CSTF3: variants seen among roughly 807,000 people sequenced by gnomAD.
CSTF3 encodes CF-1 77 kDa subunit.
CSTF3 carries 29 observed loss-of-function variants against 105.8 expected under a neutral mutation model. The observed-to-expected ratio is 0.27, with a 90% CI of 0.20 to 0.37. The LOEUF (loss-of-function observed/expected upper bound fraction) is 0.37. Among genes scored for constraint, CSTF3 ranks in the 10% least tolerant of loss-of-function variants. The pLI is 1.00. For synonymous variants in CSTF3, 252 were observed against 281.9 expected (o/e 0.89, Z 1.06); for missense variants, 357 against 879.3 (o/e 0.41, Z 7.51).
chr11:33,097,930 C>A (rs536624618), intron 13 of CSTF3, among the ~76,000 whole-genome samples: 4 of 152,116 alleles, frequency 2.6e-5, no homozygotes, highest in Non-Finnish European at 5.9e-5. Context: ...CTATGAGTTC[C>A]TCAAGAAAAG....
intron 1 of CSTF3, among the ~76,000 whole-genome samples, chr11:33,142,987 G>C (rs960536998): frequency 6.6e-6 from 1 of 152,268 alleles, no homozygotes; most frequent in Non-Finnish European, 1.5e-5. Flanking sequence ...CAGATCCTCT[G>C]AAAGTCCTTA....
chr11:33,085,278 C>T lies in CSTF3; in HGVS notation c.1963G>A (p.Ala655Thr). 1 of 1,544,864 alleles carries T rather than the reference C, an allele frequency of 6.5e-7. No individual in the cohort carries two copies. The highest frequency in any genetic ancestry group is 8.7e-7 in the Non-Finnish European group (1 of 1,149,426). Residue 655 changes from alanine to threonine, a missense_variant, in exon 21 of 21, where the codon GCT becomes ACT. Transcript: ENST00000323959. ...GCCCCACCAGTAATGATCCTCACAG[C>T]TTCCTCAACAGCTATTAAAACAAAA... ...RCKIPNTVEE[A>T]VRIITGGAPE...
chr11:33,093,471 C>G (rs1221407189), intron 15 of CSTF3, among the ~76,000 whole-genome samples: 3 of 152,042 alleles, frequency 2.0e-5, no homozygotes, highest in Non-Finnish European at 1.5e-5. Flanking sequence ...TCTATGACAC[C>G]CTCTAGAACA....
chr11:33,126,335 C>G (rs1431495234), intron 3 of CSTF3, among the ~76,000 whole-genome samples: 1 of 151,956 alleles, frequency 6.6e-6, no homozygotes, highest in African/African-American at 2.4e-5. Context: ...CTTGGCTACT[C>G]AGGAGGCTGA....
At chr11:33,120,039 C>T (rs748848167) in intron 3 of CSTF3, among the ~76,000 whole-genome samples, 8 of 151,710 alleles carry the variant, frequency 5.3e-5, no homozygotes, top group African/African-American at 1.7e-4. Flanking sequence ...GCAACAGCAA[C>T]CTTTGATAGT....
Position 33,161,227 on chromosome 11 carries a change from A to C in CSTF3, c.27+72T>G, listed in dbSNP as rs565039278. ...GACCCAATTCCTTCCTCAGCCGAAC[A>C]TGTCTGGAGCAGTCGGAGGAACAGA... On this transcript the variant is annotated intron_variant, in intron 1 of 20. Transcript: ENST00000323959. The C allele has an allele frequency of 7.0e-6, 11 of 1,565,102 alleles. No homozygotes were observed. The African/African-American group carries it at 1.2e-4, about 17-fold the overall frequency.
chr11:33,101,083 A>C (rs113531149), intron 10 of CSTF3, among the ~76,000 whole-genome samples: 2 of 152,240 alleles, frequency 1.3e-5, no homozygotes, highest in African/African-American at 4.8e-5. Flanking sequence ...ACTAGGTGAG[A>C]TCCATATTTA....
intron 15 of CSTF3, among the ~76,000 whole-genome samples, chr11:33,094,711 T>A (rs1855200915): frequency 6.6e-6 from 1 of 152,128 alleles, no homozygotes; most frequent in African/African-American, 2.4e-5. Context: ...AAATACAAAA[T>A]CATATTTAAG....
chr11:33,086,118 G>C, intron 18 of CSTF3, 129 bp from the exon 19 acceptor site: 1 of 578,816 alleles, frequency 1.7e-6, no homozygotes, highest in South Asian at 6.1e-5. Flanking sequence ...AATACTTCTA[G>C]GGCTTTACCA....
At chr11:33,091,545 C>T (rs376958077) in intron 16 of CSTF3, among the ~76,000 whole-genome samples, 3 of 152,148 alleles carry the variant, frequency 2.0e-5, no homozygotes, top group East Asian at 3.8e-4. Flanking sequence ...TGTTGTTCCT[C>T]TGTATGGTAA....
chr11:33,092,160 A>C (rs1194701992), intron 16 of CSTF3, 111 bp downstream of exon 16: 1 of 650,696 alleles, frequency 1.5e-6, no homozygotes, highest in Non-Finnish European at 2.5e-6. Context: ...TGAGAAGGAA[A>C]GGAAATTTCT....
chr11:33,135,542 A>G (rs1184645181), intron 3 of CSTF3, among the ~76,000 whole-genome samples: 1 of 152,186 alleles, frequency 6.6e-6, no homozygotes, highest in African/African-American at 2.4e-5. Context: ...ATTCTAAAGC[A>G]GTGAAGTTTG....
intron 1 of CSTF3, among the ~76,000 whole-genome samples, chr11:33,158,041 T>C (rs1849888085): frequency 6.6e-6 from 1 of 152,198 alleles, no homozygotes; most frequent in Non-Finnish European, 1.5e-5. Context: ...TAGTTGAAGC[T>C]GAATACAGTA....
Position 33,085,952 on chromosome 11 carries a change from TG to T in CSTF3, c.1832del (p.Pro611GlnfsTer9). The T allele has an allele frequency of 6.7e-7, 1 of 1,496,772 alleles. No individual in the cohort carries two copies. Among genetic ancestry groups the T allele is most frequent in the South Asian group, 1.4e-5 (1 of 73,616 alleles). 92.7% of individuals were successfully genotyped at this position (1,496,772 alleles called of 1,614,324 possible). A position where few individuals can be genotyped will look rare whatever the true frequency, so the allele number is the denominator to read the frequency against. The stretch of plus-strand genomic sequence containing the variant: ...TTAAAACAACAGCTGCAGGAGGGAC[TG>T]GGAACACTCCACCAGGTACAGGGTG... ...GLHPVPGGVF[P>X]VPPAAVVLMK... On this transcript the variant is annotated frameshift_variant, in exon 19 of 21. Transcript: ENST00000323959. LOFTEE classifies it high-confidence loss of function.
At chr11:33,146,026 C>G (rs1040326648) in intron 1 of CSTF3, among the ~76,000 whole-genome samples, 5 of 152,022 alleles carry the variant, frequency 3.3e-5, no homozygotes, top group Admixed American at 6.6e-5. Flanking sequence ...CACCTGAGGT[C>G]AGGAGTTCGA....
chr11:33,139,595 G>A (rs1328602318), intron 3 of CSTF3, among the ~76,000 whole-genome samples: 5 of 151,786 alleles, frequency 3.3e-5, no homozygotes, highest in Admixed American at 6.6e-5. Context: ...AACCAGGAAA[G>A]AGAAAAACAC....
At chr11:33,114,488 TAA>T (rs1292931682) in intron 3 of CSTF3, among the ~76,000 whole-genome samples, 1 of 152,164 alleles carries the variant, frequency 6.6e-6, no homozygotes, top group Non-Finnish European at 1.5e-5. Flanking sequence ...TCAAAAGTTT[TAA>T]AAAGTACGCT....
intron 3 of CSTF3, among the ~76,000 whole-genome samples, chr11:33,130,450 G>T (rs1292987257): frequency 6.6e-6 from 1 of 152,204 alleles, no homozygotes; most frequent in African/African-American, 2.4e-5. Flanking sequence ...TCCAGCCTGG[G>T]CAAGAGTGAG....
intron 17 of CSTF3, among the ~76,000 whole-genome samples, chr11:33,087,398 A>T (rs1045077988): frequency 3.9e-5 from 6 of 152,194 alleles, no homozygotes; most frequent in Admixed American, 6.5e-5. Flanking sequence ...CAGGCAGGAC[A>T]TTTGTAGGAC....
Sources: gnomAD v4.1 joint callset for allele counts (sites outside exome capture counted in the v4.1 genomes callset) on GRCh38, gnomAD v4.1.1 for gene constraint, MANE v1.5 for transcripts, NCBI Gene and HGNC (gene_info 2026-07-23, HGNC 2026-07-21) for gene names.